The following PDHB variants were observed in gnomAD, a reference collection of about 807,000 sequenced individuals.
PDHB encodes the protein pyruvate dehydrogenase E1 component subunit beta, mitochondrial.
A neutral mutation model predicts 42.8 loss-of-function variants in PDHB; 17 were observed. That is an observed-to-expected ratio of 0.40 (90% CI 0.27 to 0.60). The LOEUF (loss-of-function observed/expected upper bound fraction) is 0.60, where lower values mean the gene tolerates loss of function less well. Ranked by LOEUF, PDHB falls within the 20% of genes least tolerant of loss-of-function variation. The pLI, the probability that PDHB is intolerant of heterozygous loss-of-function variation, is 0.46. For missense variants in PDHB, 322 were observed against 451.3 expected, an observed-to-expected ratio of 0.71 and a Z score of 2.60; for synonymous variants, 154 against 148.7, an observed-to-expected ratio of 1.04 and a Z score of -0.26.
intron 2 of PDHB, 183 bp downstream of exon 2, chr3:58,433,448 C>G (rs2062941165): frequency 1.5e-6 from 1 of 657,794 alleles, no homozygotes; most frequent in Admixed American, 2.4e-5. Context: ...GAGGTGGTGA[C>G]TCGCCGGTGT....
At position 58,429,580 on chromosome 3, in the gene PDHB, T is replaced by C. The variant is rs188012228; in HGVS notation, c.792+128A>G. ...TGAACTGCAGGCAGGTTCCCAGCTT[T>C]AAGCAGAGACAGAAATGAGTGACAA... On this transcript the variant is annotated intron_variant, in intron 8 of 9. Coordinates refer to ENST00000302746, the MANE Select transcript of PDHB (RefSeq NM_000925.4). The C allele has an allele frequency of 1.2e-3, 871 of 751,402 alleles. 1 individual carries two copies. Among genetic ancestry groups the C allele is most frequent in the Non-Finnish European group, 1.8e-3 (740 of 415,218 alleles). The allele number at this position is 751,402 out of a possible 1,614,324, so 46.5% of individuals were successfully genotyped here.
chr3:58,427,734 T>C lies in PDHB; in HGVS notation c.*300A>G. The stretch of plus-strand genomic sequence containing the variant: ...AAGTTATCTTGTTTGGATACATCTT[T>C]CATGAGGACTCTGCCACATCCATAC... On this transcript the variant is annotated 3_prime_UTR_variant, in exon 10 of 10. Coordinates refer to ENST00000302746, the MANE Select transcript of PDHB (RefSeq NM_000925.4). 1 of 494,210 alleles carries C rather than the reference T, an allele frequency of 2.0e-6. No homozygotes were observed. Among genetic ancestry groups the C allele is most frequent in the Admixed American group, 2.3e-5 (1 of 43,512 alleles). 30.6% of individuals were successfully genotyped at this position (494,210 alleles called of 1,614,324 possible). A position where few individuals can be genotyped will look rare whatever the true frequency, so the allele number is the denominator to read the frequency against.
Position 58,427,867 on chromosome 3 carries a change from A to G in PDHB, c.*167T>C, listed in dbSNP as rs1576954497. 1.5e-6 allele frequency: 1 copy of G among 679,322 alleles called. No homozygotes were observed. Among genetic ancestry groups the G allele is most frequent in the South Asian group, 1.5e-5 (1 of 66,468 alleles). 42.1% of individuals were successfully genotyped at this position (679,322 alleles called of 1,614,324 possible). ...CATGGCATCTAGGGGAGGAGAGTGG[A>G]GAGTTTTCCATACACAAACACATTT... is the stretch of plus-strand genomic sequence containing the variant. On this transcript the variant is annotated 3_prime_UTR_variant, in exon 10 of 10. Transcript: ENST00000302746.
In PDHB at chr3:58,431,443, G is replaced by T; in HGVS notation, c.303+150C>A. 1.4e-6 allele frequency: 1 copy of T among 716,114 alleles called. No homozygotes were observed. The highest frequency in any genetic ancestry group is 2.5e-6 in the Non-Finnish European group (1 of 403,864). 44.4% of individuals were successfully genotyped at this position (716,114 alleles called of 1,614,324 possible). ...GCGACCTGTAACCCCAGCCACTATG[G>T]AGGCTGAGGCAGGAGAATTGCTTGA... On this transcript the variant is annotated intron_variant, in intron 5 of 9. Coordinates refer to ENST00000302746, the MANE Select transcript of PDHB (RefSeq NM_000925.4). The surrounding 1 kb of genome is among the most constrained non-coding windows in gnomAD (Gnocchi z 4.4).
At chr3:58,428,999 C>T (rs2062896996) in intron 8 of PDHB, among the ~76,000 whole-genome samples, 1 of 152,162 alleles carries the variant, frequency 6.6e-6, no homozygotes, top group South Asian at 2.1e-4. Flanking sequence ...GGATTACAGG[C>T]ATAGACCACC....
chr3:58,428,768 TA>T (rs750573763), intron 8 of PDHB, 154 bp from the exon 9 acceptor site: 2 of 667,702 alleles, frequency 3.0e-6, no homozygotes, highest in Non-Finnish European at 5.1e-6. Context: ...GTACAAACTG[TA>T]AAAGGAAAAA....
chr3:58,432,919 AGCCC>A (rs2062936945), intron 2 of PDHB: 2 of 152,452 alleles, frequency 1.3e-5, no homozygotes, highest in African/African-American at 4.8e-5. Flanking sequence ...GAATCCCTTG[AGCCC>A]AGGAGGTGGA....
intron 8 of PDHB, among the ~76,000 whole-genome samples, chr3:58,429,468 A>G (rs981327263): frequency 4.6e-5 from 7 of 151,672 alleles, no homozygotes; most frequent in African/African-American, 1.7e-4. Context: ...ATCACTGAGA[A>G]CCAGAAGAGG....
chr3:58,428,442 C>A, intron 9 of PDHB, 31 bp downstream of exon 9: 1 of 1,610,510 alleles, frequency 6.2e-7, no homozygotes, highest in Non-Finnish European at 8.5e-7. Context: ...TATAGCTTGA[C>A]TGTATTCTAG....
Position 58,430,721 on chromosome 3 carries a change from G to T in PDHB, c.525C>A (p.Val175=). The T allele has an allele frequency of 6.2e-7, 1 of 1,614,028 alleles. No homozygotes were observed. The highest frequency in any genetic ancestry group is 1.1e-5 in the South Asian group (1 of 91,056). ...TAGCATCCTCTGAATTCCAGGGACT[G>T]ACCACCTTTAAGCCTGGGCAGTGCC... ...WYGHCPGLKV[V]SPWNSEDAKG... Residue 175 remains valine (V), a synonymous_variant, in exon 6 of 10, where the codon GTC becomes GTA. Coordinates refer to ENST00000302746, the MANE Select transcript of PDHB (RefSeq NM_000925.4).
intron 2 of PDHB, 99 bp downstream of exon 2, chr3:58,433,532 G>A (rs771378755): frequency 1.1e-4 from 149 of 1,327,296 alleles, no homozygotes; most frequent in Admixed American, 4.2e-4. Flanking sequence ...CAAGGCCCAC[G>A]GCGCCGGAAG....
intron 2 of PDHB, chr3:58,432,651 G>A (rs2062929705): frequency 6.5e-6 from 1 of 154,014 alleles, no homozygotes; most frequent in Non-Finnish European, 1.4e-5. Context: ...CTGAGATAGT[G>A]CCACTGCACT....
At chr3:58,433,525 G>C in intron 2 of PDHB, 106 bp downstream of exon 2, 3 of 1,264,148 alleles carry the variant, frequency 2.4e-6, no homozygotes, top group African/African-American at 3.0e-5. Context: ...GCAAACCCAA[G>C]GCCCACGGCG....
chr3:58,431,971 T>C lies in PDHB; in HGVS notation c.110A>G (p.Asp37Gly), dbSNP rs2062924572. 6.2e-7 allele frequency: 1 copy of C among 1,610,878 alleles called. No homozygotes were observed. Among genetic ancestry groups the C allele is most frequent in the Non-Finnish European group, 8.5e-7 (1 of 1,177,002 alleles). Residue 37 changes from aspartate (D) to glycine (G), a missense_variant, in exon 3 of 10, where the codon GAT (aspartate) becomes GGT (glycine). Asp to Gly is a moderately conservative substitution (Grantham distance 94). Coordinates refer to ENST00000302746, the MANE Select transcript of PDHB (RefSeq NM_000925.4). This position sits in a 1 kb window ranked among gnomAD's most constrained non-coding sequence, Gnocchi z 4.4. ...CTCATCCATACCCTGATTTATAGCA[T>C]CACGAACTGTCACCTGTCACAGGTA... ...APAALQVTVRDAINQGMDEEL... is the reference protein window; with the variant it reads ...APAALQVTVRGAINQGMDEEL...
Position 58,431,200 on chromosome 3 carries a change from C to T in PDHB, c.304-258G>A. 1.8e-6 allele frequency: 1 copy of T among 546,078 alleles called. No homozygotes were observed. The highest frequency in any genetic ancestry group is 3.3e-6 in the Non-Finnish European group (1 of 307,038). The allele number at this position is 546,078 out of a possible 1,614,324, so 33.8% of individuals were successfully genotyped here. A position where few individuals can be genotyped will look rare whatever the true frequency, so the allele number is the denominator to read the frequency against. On this transcript the variant is annotated intron_variant, in intron 5 of 9. Transcript: ENST00000302746. This position sits in a 1 kb window ranked among gnomAD's most constrained non-coding sequence, Gnocchi z 4.4. ...GGACTGCAGGCAAGCACCACCACAT[C>T]TACCTACTTGGTATTTTTTTTTTTT...
Position 58,431,525 on chromosome 3 carries a change from T to G in PDHB, c.303+68A>C. The G allele has an allele frequency of 8.0e-7, 1 of 1,257,454 alleles. No homozygotes were observed. Among genetic ancestry groups the G allele is most frequent in the South Asian group, 1.2e-5 (1 of 83,214 alleles). 77.9% of individuals were successfully genotyped at this position (1,257,454 alleles called of 1,614,324 possible). On this transcript the variant is annotated intron_variant, in intron 5 of 9. Coordinates refer to ENST00000302746, the MANE Select transcript of PDHB (RefSeq NM_000925.4). This position sits in a 1 kb window ranked among gnomAD's most constrained non-coding sequence, Gnocchi z 4.4. Reference sequence around the variant, plus strand: ...CAGGCTGGACAACAGAGTGAGACTCTGTCTCAAAAGAAAAAAAAAGAAAAC... The same window carrying G: ...CAGGCTGGACAACAGAGTGAGACTCGGTCTCAAAAGAAAAAAAAAGAAAAC...
rs1345790679 is a variant in PDHB, at chr3:58,430,716, G to A, written c.530C>T (p.Pro177Leu). The stretch of plus-strand genomic sequence containing the variant: ...TCCTTTAGCATCCTCTGAATTCCAG[G>A]GACTGACCACCTTTAAGCCTGGGCA... ...GHCPGLKVVS[P>L]WNSEDAKGLI... The change falls in exon 6 of 10, where the codon CCC becomes CTC. Residue 177 changes from proline (P) to leucine (L), a missense_variant. This residue lies in a region of PDHB where 208 missense variants were observed against 285.0 expected (regional missense o/e 0.73). Transcript: ENST00000302746. 3 of 1,614,108 alleles carry A rather than the reference G, an allele frequency of 1.9e-6. No homozygotes were observed. Among genetic ancestry groups the A allele is most frequent in the East Asian group, 2.2e-5 (1 of 44,882 alleles).
At chr3:58,433,405 G>A (rs1576959157) in intron 2 of PDHB, 1 of 601,964 alleles carries the variant, frequency 1.7e-6, no homozygotes, top group African/African-American at 1.9e-5. Context: ...GAAACGCCTA[G>A]TCTTAGTTTT....
At chr3:58,429,222 C>T (rs755822356) in intron 8 of PDHB, among the ~76,000 whole-genome samples, 6 of 152,176 alleles carry the variant, frequency 3.9e-5, no homozygotes, top group South Asian at 2.1e-4. Context: ...AGCCCTATGA[C>T]GGGACAGTAT....
Sources: allele counts gnomAD v4.1 joint callset (sites outside exome capture counted in the v4.1 genomes callset), GRCh38; gene constraint gnomAD v4.1.1; regional missense constraint gnomAD v4.1.1; non-coding constraint Gnocchi (gnomAD v3.1); transcripts MANE v1.5; gene names NCBI Gene and HGNC (gene_info 2026-07-23, HGNC 2026-07-21).